Variants in ERC2 observed in about 807,000 individuals in gnomAD.
ERC2 encodes the protein ELKS/RAB6-interacting/CAST family member 2.
In ERC2, 42 loss-of-function variants were observed where a neutral mutation model predicts 114.8. The ratio of observed to expected loss-of-function variants is 0.37; its 90% CI spans 0.29 to 0.47. The LOEUF (loss-of-function observed/expected upper bound fraction) is 0.47. ERC2 is among the 20% of genes least tolerant of loss of function. ERC2 has a pLI of 0.99. For synonymous variants in ERC2, 454 were observed against 425.5 expected (o/e 1.07, Z -0.82); for missense variants, 939 against 1,150.7 (o/e 0.82, Z 2.66).
intron 17 of ERC2, among the ~76,000 whole-genome samples, chr3:55,683,090 C>G (rs73071614): frequency 0.14 from 21,010 of 152,194 alleles, 1,742 homozygotes; most frequent in East Asian, 0.3. Context: ...CTGATAAATA[C>G]AATGTGTATA....
At chr3:56,157,869 G>A (rs1441966600) in intron 4 of ERC2, among the ~76,000 whole-genome samples, 1 of 152,124 alleles carries the variant, frequency 6.6e-6, no homozygotes, top group African/African-American at 2.4e-5. Context: ...TTGGTATGCT[G>A]TCATTACTGA....
At chr3:56,152,082 A>C (rs1438577216) in intron 4 of ERC2, among the ~76,000 whole-genome samples, 1 of 152,178 alleles carries the variant, frequency 6.6e-6, no homozygotes, top group African/African-American at 2.4e-5. Flanking sequence ...AGACGGGGAA[A>C]GTGAAATATA....
chr3:56,146,866 A>G (rs1459984609), intron 5 of ERC2, among the ~76,000 whole-genome samples: 2 of 152,192 alleles, frequency 1.3e-5, no homozygotes, highest in Non-Finnish European at 1.5e-5. Context: ...TGACCTGACC[A>G]CTTCTGGAAC....
At chr3:56,215,945 C>A (rs1295804527) in intron 3 of ERC2, among the ~76,000 whole-genome samples, 1 of 151,968 alleles carries the variant, frequency 6.6e-6, no homozygotes, top group East Asian at 1.9e-4. Flanking sequence ...TTGAAACCAA[C>A]GAGAACAAAG....
intron 10 of ERC2, among the ~76,000 whole-genome samples, chr3:55,997,953 A>G (rs2071724049): frequency 1.2e-5 from 1 of 83,684 alleles, no homozygotes; most frequent in Non-Finnish European, 2.1e-5. Flanking sequence ...TTTGGTAGAG[A>G]TGGGGTTTGC....
intron 17 of ERC2, among the ~76,000 whole-genome samples, chr3:55,561,386 T>C (rs761570949): frequency 1.3e-5 from 2 of 152,076 alleles, no homozygotes; most frequent in Non-Finnish European, 2.9e-5. Context: ...GTGGGTGCAT[T>C]TCTGTGGGTT....
At chr3:55,719,363 G>A (rs1422730958) in intron 15 of ERC2, among the ~76,000 whole-genome samples, 3 of 152,174 alleles carry the variant, frequency 2.0e-5, no homozygotes, top group South Asian at 4.1e-4. Flanking sequence ...AACCACTGAG[G>A]GGAGATGTGC....
intron 3 of ERC2, among the ~76,000 whole-genome samples, chr3:56,215,235 AT>A (rs2150133619): frequency 6.6e-6 from 1 of 152,334 alleles, no homozygotes; most frequent in South Asian, 2.1e-4. Context: ...AGCGTGCTGT[AT>A]TCAGGAAACC....
intron 3 of ERC2, among the ~76,000 whole-genome samples, chr3:56,199,071 C>T (rs888425941): frequency 5.9e-5 from 9 of 152,086 alleles, no homozygotes; most frequent in South Asian, 2.1e-4. Context: ...AAAGAAACCA[C>T]GGTAAACAAG....
intron 3 of ERC2, among the ~76,000 whole-genome samples, chr3:56,292,326 G>A (rs2055140656): frequency 2.0e-5 from 3 of 151,340 alleles, no homozygotes; most frequent in South Asian, 4.2e-4. Context: ...GCTCACACCT[G>A]TAATCCCAGC....
At chr3:55,514,110 T>C (rs1283439327) in intron 17 of ERC2, among the ~76,000 whole-genome samples, 6 of 152,158 alleles carry the variant, frequency 3.9e-5, no homozygotes, top group African/African-American at 1.4e-4. Context: ...TAAAGGGAGA[T>C]TATCAACTAA....
chr3:55,743,702 T>C (rs1489050182), intron 14 of ERC2, among the ~76,000 whole-genome samples: 1 of 151,756 alleles, frequency 6.6e-6, no homozygotes, highest in Non-Finnish European at 1.5e-5. Context: ...GAAATATTAC[T>C]CAAGTTTTTA....
At chr3:55,594,722 G>A (rs187253610) in intron 17 of ERC2, among the ~76,000 whole-genome samples, 193 of 152,176 alleles carry the variant, frequency 1.3e-3, no homozygotes, top group Non-Finnish European at 1.4e-3. Flanking sequence ...TACCTCAGGC[G>A]TTCCACTGAC....
chr3:56,353,894 T>C (rs1391814654), intron 2 of ERC2, among the ~76,000 whole-genome samples: 1 of 151,910 alleles, frequency 6.6e-6, no homozygotes, highest in Admixed American at 6.6e-5. Flanking sequence ...AAACCAAATA[T>C]GCAATATCTC....
intron 3 of ERC2, among the ~76,000 whole-genome samples, chr3:56,248,241 C>T (rs1298759764): frequency 6.6e-6 from 1 of 152,102 alleles, no homozygotes; most frequent in Non-Finnish European, 1.5e-5. Flanking sequence ...TAAAAGCATG[C>T]ACCACCATGC....
rs1485094857 is a variant in ERC2, at chr3:56,235,911, C to T, written c.1074+60108G>A. Among the ~76,000 whole-genome samples the T allele has an allele frequency of 3.9e-5, 6 of 152,154 alleles. No homozygotes were observed. The East Asian group carries it at 1.2e-3, about 29-fold the overall frequency. ...TCCCTTTCATTTTTTACATCATTCA[C>T]TTGAATCCTACAGACATATCAGTTT... On this transcript the variant is annotated intron_variant, in intron 3 of 17. Coordinates refer to ENST00000288221, the MANE Select transcript of ERC2 (RefSeq NM_015576.3).
intron 17 of ERC2, among the ~76,000 whole-genome samples, chr3:55,628,094 T>C (rs1488802945): frequency 6.6e-6 from 1 of 152,226 alleles, no homozygotes; most frequent in African/African-American, 2.4e-5. Flanking sequence ...AGTCTCTTTG[T>C]ATCTATAGTT....
At chr3:55,665,129 G>A (rs1198417293) in intron 17 of ERC2, among the ~76,000 whole-genome samples, 1 of 152,160 alleles carries the variant, frequency 6.6e-6, no homozygotes, top group Non-Finnish European at 1.5e-5. Context: ...ACAGGACAGA[G>A]AAGACACATA....
intron 14 of ERC2, among the ~76,000 whole-genome samples, chr3:55,805,420 C>A (rs2059450176): frequency 6.6e-6 from 1 of 151,668 alleles, no homozygotes; most frequent in Non-Finnish European, 1.5e-5. Flanking sequence ...AGATTCAGTA[C>A]CTTCCCTGAG....
Sources: allele counts gnomAD v4.1 joint callset (sites outside exome capture counted in the v4.1 genomes callset), GRCh38; gene constraint gnomAD v4.1.1; transcripts MANE v1.5; gene names NCBI Gene and HGNC (gene_info 2026-07-23, HGNC 2026-07-21).